The following IPCEF1 variants were observed in gnomAD, a reference collection of about 807,000 sequenced individuals.
The protein encoded by IPCEF1 is interaction protein for cytohesin exchange factors 1, also known as interactor protein for cytohesin exchange factors 1.
A neutral mutation model predicts 50.9 loss-of-function variants in IPCEF1; 31 were observed. The observed-to-expected ratio is 0.61, with a 90% CI of 0.46 to 0.82. The LOEUF (loss-of-function observed/expected upper bound fraction) is 0.82. Ranked by LOEUF, IPCEF1 falls within the 40% of genes least tolerant of loss-of-function variation. The pLI is 0.00. For synonymous variants in IPCEF1, 181 were observed against 192.0 expected (o/e 0.94, Z 0.47); for missense variants, 458 against 514.0 (o/e 0.89, Z 1.05).
intron 10 of IPCEF1, among the ~76,000 whole-genome samples, chr6:154,195,498 T>C (rs113281413): frequency 0.013 from 2,008 of 152,204 alleles, 36 homozygotes; most frequent in African/African-American, 0.044. Flanking sequence ...TGATGAGAAA[T>C]GGTCATCCAT....
intron 10 of IPCEF1, among the ~76,000 whole-genome samples, chr6:154,189,164 A>G (rs941504854): frequency 6.6e-6 from 1 of 152,250 alleles, no homozygotes; most frequent in Non-Finnish European, 1.5e-5. Flanking sequence ...AAAAGAGTGA[A>G]ATAAACACTC....
Position 154,221,170 on chromosome 6 carries a change from T to C in IPCEF1, c.392+87A>G, listed in dbSNP as rs1468408594. 5 of 903,678 alleles carry C rather than the reference T, an allele frequency of 5.5e-6. No individual in the cohort carries two copies. In the Admixed American group the frequency reaches 9.0e-5, roughly 16 times the overall value. The allele number at this position is 903,678 out of a possible 1,614,324, so 56.0% of individuals were successfully genotyped here. ...GTAACAGAAATAAAATAATAATTGA[T>C]ATGGACATATGATTAGAATTCCAGT... On this transcript the variant is annotated intron_variant, in intron 7 of 11. Coordinates refer to ENST00000367220, the MANE Select transcript of IPCEF1 (RefSeq NM_001130700.2).
intron 5 of IPCEF1, among the ~76,000 whole-genome samples, chr6:154,241,346 C>T (rs1321168791): frequency 6.6e-6 from 1 of 151,524 alleles, no homozygotes; most frequent in Non-Finnish European, 1.5e-5. Flanking sequence ...TGCAATGGCA[C>T]ACATGGTGTC....
intron 1 of IPCEF1, among the ~76,000 whole-genome samples, 170 bp from the exon 2 acceptor site, chr6:154,289,926 G>A (rs1321752126): frequency 1.3e-5 from 2 of 152,150 alleles, no homozygotes; most frequent in African/African-American, 2.4e-5. Context: ...AGGGTAGACA[G>A]CTAGGCAAAC....
intron 1 of IPCEF1, among the ~76,000 whole-genome samples, chr6:154,346,206 A>T (rs1272521955): frequency 6.6e-6 from 1 of 152,164 alleles, no homozygotes; most frequent in Non-Finnish European, 1.5e-5. Flanking sequence ...AACATTGAAG[A>T]TTTTACATCA....
rs566254950 is a variant in IPCEF1 at position 154,258,977 on chromosome 6, CATG to C, written c.36+6932_36+6934del. On this transcript the variant is annotated intron_variant, in intron 3 of 11. Transcript: ENST00000367220. ...TCCTTCATATGATGCCTTTAGTAAG[CATG>C]ATGCCTTCCTATGTGCCTGGCAGAT... Among the ~76,000 whole-genome samples the C allele has an allele frequency of 3.3e-4, 50 of 152,194 alleles. 1 individual carries two copies. The highest frequency in any genetic ancestry group is 5.7e-4 in the Non-Finnish European group (39 of 68,032).
chr6:154,268,910 T>C (rs1781826242), intron 2 of IPCEF1, among the ~76,000 whole-genome samples: 1 of 152,222 alleles, frequency 6.6e-6, no homozygotes, highest in Non-Finnish European at 1.5e-5. Context: ...TCCCTGATCC[T>C]TGGGAGAGAT....
chr6:154,220,866 T>C (rs1778810548), intron 7 of IPCEF1, among the ~76,000 whole-genome samples: 1 of 152,240 alleles, frequency 6.6e-6, no homozygotes, highest in Non-Finnish European at 1.5e-5. Context: ...ACGTGAATCA[T>C]CACGATAATC....
At chr6:154,251,356 C>T (rs1781331986) in intron 3 of IPCEF1, among the ~76,000 whole-genome samples, 1 of 152,108 alleles carries the variant, frequency 6.6e-6, no homozygotes, top group Admixed American at 6.6e-5. Flanking sequence ...TCAAAACTGG[C>T]CTGGACAACA....
chr6:154,277,511 C>T (rs1782092208), intron 2 of IPCEF1, among the ~76,000 whole-genome samples: 1 of 152,158 alleles, frequency 6.6e-6, no homozygotes. Context: ...GTCCAACTCC[C>T]TAATTTGACA....
chr6:154,315,244 A>G (rs1455470406), intron 1 of IPCEF1, among the ~76,000 whole-genome samples: 2 of 152,342 alleles, frequency 1.3e-5, no homozygotes, highest in Non-Finnish European at 2.9e-5. Context: ...CTGGGAGAAC[A>G]TGGACAGTGA....
chr6:154,322,373 A>AACACACAC (rs3039689), intron 1 of IPCEF1, among the ~76,000 whole-genome samples: 429 of 123,834 alleles, frequency 3.5e-3, no homozygotes, highest in African/African-American at 0.011. Flanking sequence ...AAAAATTTTA[A>AACACACAC]ACACACACAC....
chr6:154,208,225 TC>T (rs1482740347), intron 9 of IPCEF1, among the ~76,000 whole-genome samples: 14 of 152,084 alleles, frequency 9.2e-5, no homozygotes, highest in Non-Finnish European at 1.8e-4. Context: ...ACTACTCTCA[TC>T]TTGGTTCACC....
chr6:154,247,387 G>T, intron 4 of IPCEF1, 62 bp downstream of exon 4: 1 of 1,350,628 alleles, frequency 7.4e-7, no homozygotes, highest in Non-Finnish European at 1.1e-6. Context: ...AAGGCACCCC[G>T]GAGAAAAGCC....
chr6:154,228,474 T>G (rs1387043705), intron 5 of IPCEF1, among the ~76,000 whole-genome samples: 6 of 152,190 alleles, frequency 3.9e-5, no homozygotes, highest in Non-Finnish European at 8.8e-5. Flanking sequence ...AAGAAACACG[T>G]TCCTTTTCAC....
chr6:154,160,083 G>T, intron 11 of IPCEF1, 43 bp from the exon 12 acceptor site: 1 of 1,441,846 alleles, frequency 6.9e-7, no homozygotes, highest in Non-Finnish European at 9.6e-7. Flanking sequence ...TGTTGAGAGT[G>T]TCTTAATTTA....
chr6:154,280,292 A>G (rs1053342016), intron 2 of IPCEF1, among the ~76,000 whole-genome samples: 2 of 152,246 alleles, frequency 1.3e-5, no homozygotes, highest in Non-Finnish European at 2.9e-5. Flanking sequence ...AGGGCTGGGC[A>G]TGGTATCTCA....
At chr6:154,165,867 A>G (rs1362999241) in intron 11 of IPCEF1, among the ~76,000 whole-genome samples, 1 of 152,270 alleles carries the variant, frequency 6.6e-6, no homozygotes, top group African/African-American at 2.4e-5. Flanking sequence ...CCTGTGGAGA[A>G]GCCCATGTGG....
rs139061022 is a variant in IPCEF1, at chr6:154,295,582, C to T, written c.-61-5826G>A. On this transcript the variant is annotated intron_variant, in intron 1 of 11. Coordinates refer to ENST00000367220, the MANE Select transcript of IPCEF1 (RefSeq NM_001130700.2). ...AGAGAGCACAGGGGGTCTAGGTCAGCGACGCCTGCACAAGGATCTGCTGCC... is the reference window on the plus strand; with the variant it reads ...AGAGAGCACAGGGGGTCTAGGTCAGTGACGCCTGCACAAGGATCTGCTGCC... 3.2e-4 allele frequency among the ~76,000 whole-genome samples: 49 copies of T among 152,270 alleles called. No homozygotes were observed. In the East Asian group the frequency reaches 7.2e-3, roughly 22 times the overall value.
Sources: allele counts gnomAD v4.1 joint callset (sites outside exome capture counted in the v4.1 genomes callset), GRCh38; gene constraint gnomAD v4.1.1; transcripts MANE v1.5; gene names NCBI Gene and HGNC (gene_info 2026-07-23, HGNC 2026-07-21).